IGSF5: variants seen among roughly 807,000 people sequenced by gnomAD.
IGSF5 encodes immunoglobulin superfamily member 5, also known as immunoglobulin superfamily 5 like.
IGSF5 carries 41 observed loss-of-function variants against 39.4 expected under a neutral mutation model. That is an observed-to-expected ratio of 1.04 (90% CI 0.81 to 1.35). IGSF5 has a LOEUF of 1.35. IGSF5 is among the 40% of genes most tolerant of loss of function. IGSF5 has a pLI of 0.00. For synonymous variants in IGSF5, 183 were observed against 175.3 expected, an observed-to-expected ratio of 1.04 and a Z score of -0.34; for missense variants, 487 against 494.6, an observed-to-expected ratio of 0.98 and a Z score of 0.15.
chr21:39,777,718 G>A (rs2080148149), intron 4 of IGSF5, among the ~76,000 whole-genome samples: 1 of 152,112 alleles, frequency 6.6e-6, no homozygotes, highest in Non-Finnish European at 1.5e-5. Context: ...CTTACTATGG[G>A]GAGAAAGGTG....
chr21:39,739,884 G>A, the IGSF5 span, among the ~76,000 whole-genome samples: 1 of 152,096 alleles, frequency 6.6e-6, no homozygotes, highest in Non-Finnish European at 1.5e-5. Flanking sequence ...AAAGATACAG[G>A]GATTCAAATG....
intron 6 of IGSF5, among the ~76,000 whole-genome samples, chr21:39,789,867 C>G (rs970767880): frequency 2.6e-5 from 4 of 152,174 alleles, no homozygotes; most frequent in African/African-American, 9.7e-5. Flanking sequence ...TTTCACTTTG[C>G]ACATTCTGAA....
At chr21:39,777,305 T>A (rs1165103133) in intron 4 of IGSF5, among the ~76,000 whole-genome samples, 1 of 152,208 alleles carries the variant, frequency 6.6e-6, no homozygotes, top group Non-Finnish European at 1.5e-5. Flanking sequence ...TGTGGCTGCG[T>A]ACAAGGGATT....
intron 8 of IGSF5, among the ~76,000 whole-genome samples, chr21:39,798,193 T>A (rs2087008378): frequency 6.6e-6 from 1 of 152,208 alleles, no homozygotes; most frequent in South Asian, 2.1e-4. Context: ...TTAAGGGTTA[T>A]TGGTTACCTT....
chr21:39,721,921 T>C, the IGSF5 span, among the ~76,000 whole-genome samples: 1 of 152,198 alleles, frequency 6.6e-6, no homozygotes, highest in Non-Finnish European at 1.5e-5. Context: ...ACACTTACTT[T>C]GTAAATTGCC....
intron 6 of IGSF5, 76 bp downstream of exon 6, chr21:39,788,264 G>C: frequency 1.9e-6 from 2 of 1,057,156 alleles, no homozygotes; most frequent in Non-Finnish European, 2.9e-6. Context: ...ACAACAATAC[G>C]TACACACAAC....
intron 5 of IGSF5, among the ~76,000 whole-genome samples, chr21:39,783,675 A>C (rs985870816): frequency 1.3e-5 from 2 of 152,062 alleles, no homozygotes; most frequent in Admixed American, 6.6e-5. Context: ...GTAGGTTATA[A>C]TTTTGCTGTT....
intron 2 of IGSF5, among the ~76,000 whole-genome samples, chr21:39,756,111 A>G (rs1832194252): frequency 7.9e-6 from 1 of 126,934 alleles, no homozygotes; most frequent in Non-Finnish European, 1.9e-5. Flanking sequence ...ACAAACAAAC[A>G]AACAAACAAA....
the IGSF5 span, among the ~76,000 whole-genome samples, chr21:39,724,102 TAAAATAAAATAAAA>T: frequency 6.7e-6 from 1 of 150,268 alleles, no homozygotes; most frequent in Non-Finnish European, 1.5e-5. Flanking sequence ...TAAAATAAAA[TAAAATAAAATAAAA>T]TAAAATAAAA....
chr21:39,752,464 G>T (rs1316636217), intron 2 of IGSF5, among the ~76,000 whole-genome samples: 2 of 152,176 alleles, frequency 1.3e-5, no homozygotes, highest in Non-Finnish European at 2.9e-5. Flanking sequence ...CAATTGTGCT[G>T]CTATAAACAT....
upstream of IGSF5, among the ~76,000 whole-genome samples, chr21:39,742,206 G>T (rs143349822): frequency 6.6e-6 from 1 of 152,010 alleles, no homozygotes; most frequent in Non-Finnish European, 1.5e-5. Flanking sequence ...GTGTATAATG[G>T]CCCCTGCTTT....
In IGSF5 at chr21:39,778,944, T is replaced by G. The variant is rs1271611015; in HGVS notation, c.719-146T>G. The G allele has an allele frequency of 6.0e-6, 5 of 835,496 alleles. No homozygotes were observed. The Admixed American group carries it at 1.4e-4, about 24-fold the overall frequency. 51.8% of individuals were successfully genotyped at this position (835,496 alleles called of 1,614,324 possible). A position where few individuals can be genotyped will look rare whatever the true frequency, so the allele number is the denominator to read the frequency against. ...TAGAGTATTGAATAATTAAACACAT[T>G]GAAAGAAACTTGGCCTATGACGCCT... On this transcript the variant is annotated intron_variant, in intron 4 of 8. Transcript: ENST00000380588.
At chr21:39,799,487 G>A (rs908868357) in intron 8 of IGSF5, among the ~76,000 whole-genome samples, 1 of 152,002 alleles carries the variant, frequency 6.6e-6, no homozygotes, top group African/African-American at 2.4e-5. Context: ...TTCTCCAGGT[G>A]ATCTGCTTTG....
intron 6 of IGSF5, among the ~76,000 whole-genome samples, chr21:39,789,265 G>A (rs1030398635): frequency 6.6e-6 from 1 of 152,158 alleles, no homozygotes; most frequent in Non-Finnish European, 1.5e-5. Flanking sequence ...TAGCTACTCA[G>A]GATAATGGGT....
intron 1 of IGSF5, among the ~76,000 whole-genome samples, 183 bp downstream of exon 1, chr21:39,745,709 G>T (rs2079970669): frequency 6.6e-6 from 1 of 152,128 alleles, no homozygotes; most frequent in South Asian, 2.1e-4. Flanking sequence ...ACCCCAGAAG[G>T]GTTGGGGGTT....
At chr21:39,766,623 T>A (rs2146280424) in intron 3 of IGSF5, among the ~76,000 whole-genome samples, 1 of 152,340 alleles carries the variant, frequency 6.6e-6, no homozygotes, top group Admixed American at 6.5e-5. Flanking sequence ...TAATAATAGC[T>A]TATTTTTCAT....
At position 39,771,232 on chromosome 21, in the gene IGSF5, T is replaced by A. The variant is rs767154085; in HGVS notation, c.718+17T>A. On this transcript the variant is annotated intron_variant, in intron 4 of 8. Coordinates refer to ENST00000380588, the MANE Select transcript of IGSF5 (RefSeq NM_001080444.2). ...GTCCCCAAGGTAAGTGAAGACATTC[T>A]GCTTTATATGAAATGAATGATTATT... is the stretch of plus-strand genomic sequence containing the variant. 2 of 1,512,838 alleles carry A rather than the reference T, an allele frequency of 1.3e-6. 1 individual carries two copies. The highest frequency in any genetic ancestry group is 2.8e-5 in the South Asian group (2 of 72,616). The allele number at this position is 1,512,838 out of a possible 1,614,324, so 93.7% of individuals were successfully genotyped here.
At chr21:39,750,002 A>G (rs1661565769) in intron 2 of IGSF5, among the ~76,000 whole-genome samples, 1 of 152,200 alleles carries the variant, frequency 6.6e-6, no homozygotes. Context: ...TAAGGTAAAG[A>G]TCTTGAGGCC....
chr21:39,735,589 A>T, the IGSF5 span, among the ~76,000 whole-genome samples: 157 of 152,328 alleles, frequency 1.0e-3, no homozygotes, highest in African/African-American at 3.5e-3. Context: ...AAAGGATTTT[A>T]AAAAAGATAA....
Sources: allele counts gnomAD v4.1 joint callset (sites outside exome capture counted in the v4.1 genomes callset), GRCh38; gene constraint gnomAD v4.1.1; transcripts MANE v1.5; gene names NCBI Gene and HGNC (gene_info 2026-07-23, HGNC 2026-07-21).